The following NEIL1 variants were observed in gnomAD, a reference collection of about 807,000 sequenced individuals.
NEIL1 encodes the protein nei like DNA glycosylase 1.
A neutral mutation model predicts 44.2 loss-of-function variants in NEIL1; 31 were observed. The ratio of observed to expected loss-of-function variants is 0.70; its 90% CI spans 0.53 to 0.95. NEIL1 has a LOEUF of 0.95. Ranked by LOEUF, NEIL1 falls within the 40% of genes least tolerant of loss-of-function variation. The pLI is 0.00. For missense variants in NEIL1, 549 were observed against 515.5 expected (o/e 1.07, Z -0.63); for synonymous variants, 254 against 209.7 (o/e 1.21, Z -1.83).
chr15:75,351,374 C>T, intron 2 of NEIL1: 1 of 405,778 alleles, frequency 2.5e-6, no homozygotes, highest in Middle Eastern at 3.7e-4. Context: ...CTCCAGGGCT[C>T]AGGTGATTCT....
chr15:75,351,907 C>T (rs987619019), intron 2 of NEIL1: 3 of 534,116 alleles, frequency 5.6e-6, no homozygotes, highest in Non-Finnish European at 1.0e-5. Flanking sequence ...CAGGCATGAG[C>T]CACTGCACCT....
In NEIL1 at chr15:75,356,271, AC is replaced by A. The variant is rs769896284; in HGVS notation, c.*1241del. On this transcript the variant is annotated 3_prime_UTR_variant, in exon 10 of 10. Coordinates refer to ENST00000355059, the MANE Select transcript of NEIL1 (RefSeq NM_024608.4). The surrounding 1 kb of genome is among the most constrained non-coding windows in gnomAD (Gnocchi z 5.8). ...GGGCCGAGGGCAGGCCCAGTTCGGA[AC>A]CCCGTCCCCAGCACGTCCCACCCCT... 4 of 1,611,626 alleles carry A rather than the reference AC, an allele frequency of 2.5e-6. No individual in the cohort carries two copies. The highest frequency in any genetic ancestry group is 3.4e-6 in the Non-Finnish European group (4 of 1,179,174).
intron 1 of NEIL1, 96 bp from the exon 2 acceptor site, chr15:75,348,788 A>T: frequency 6.6e-7 from 1 of 1,507,268 alleles, no homozygotes; most frequent in Non-Finnish European, 8.8e-7. Flanking sequence ...CCACATGCCC[A>T]TCTGACCCTC....
In NEIL1 at chr15:75,349,352, C is replaced by A; in HGVS notation, c.434+13C>A. 1 of 1,590,002 alleles carries A rather than the reference C, an allele frequency of 6.3e-7. No individual in the cohort carries two copies. Among genetic ancestry groups the A allele is most frequent in the Non-Finnish European group, 8.6e-7 (1 of 1,166,934 alleles). On this transcript the variant is annotated intron_variant, in intron 2 of 9. Coordinates refer to ENST00000355059, the MANE Select transcript of NEIL1 (RefSeq NM_024608.4). Reference sequence around the variant, plus strand: ...ACCAGCAGTTCAGGTAGGGCCAGCACCAGGTGTGATGAACATAGTCGCGGG... The same window carrying A: ...ACCAGCAGTTCAGGTAGGGCCAGCAACAGGTGTGATGAACATAGTCGCGGG...
rs1386849409 is a variant in NEIL1 at position 75,347,908 on chromosome 15, G to C, written c.-23+435G>C. The stretch of plus-strand genomic sequence containing the variant: ...GCCAGGGGCGGCTCCCAGGTGTGGA[G>C]GGGGCAAGGTACGGGCGTCTGCCGT... On this transcript the variant is annotated intron_variant, in intron 1 of 9. Transcript: ENST00000355059. The C allele has an allele frequency of 3.2e-6, 4 of 1,238,866 alleles. No homozygotes were observed. In the African/African-American group the frequency reaches 4.7e-5, roughly 14 times the overall value. 76.7% of individuals were successfully genotyped at this position (1,238,866 alleles called of 1,614,324 possible).
At chr15:75,352,050 CCT>C in intron 2 of NEIL1, 59 bp from the exon 3 acceptor site, 3 of 1,574,902 alleles carry the variant, frequency 1.9e-6, no homozygotes, top group Non-Finnish European at 2.6e-6. Context: ...TCTCTGAGCC[CCT>C]CTCCCCATCC....
In NEIL1 at chr15:75,355,129, CA is replaced by C; in HGVS notation, c.*98del. The stretch of plus-strand genomic sequence containing the variant: ...TGGGAGCAGGCAATATCTGAAGGTG[CA>C]AACAGGCCCTACGGCTGTTCCCTGC... On this transcript the variant is annotated 3_prime_UTR_variant, in exon 10 of 10. Coordinates refer to ENST00000355059, the MANE Select transcript of NEIL1 (RefSeq NM_024608.4). The C allele has an allele frequency of 9.9e-7, 1 of 1,011,574 alleles. No individual in the cohort carries two copies. The highest frequency in any genetic ancestry group is 1.5e-6 in the Non-Finnish European group (1 of 667,212). The allele number at this position is 1,011,574 out of a possible 1,614,324, so 62.7% of individuals were successfully genotyped here.
At chr15:75,348,404 T>G in intron 1 of NEIL1, 1 of 1,000,670 alleles carries the variant, frequency 1.0e-6, no homozygotes, top group South Asian at 4.3e-5. Context: ...GGCCACGCGA[T>G]CCTAAGACCC....
In NEIL1 at chr15:75,354,945, T is replaced by C; in HGVS notation, c.1103-19T>C. Reference sequence around the variant, plus strand: ...GCCCCTGGAGTCTTAGCTGACCATCTTGCCTGTTCTTCCCCCAGGCCACTG... The same window carrying C: ...GCCCCTGGAGTCTTAGCTGACCATCCTGCCTGTTCTTCCCCCAGGCCACTG... On this transcript the variant is annotated intron_variant, in intron 9 of 9. Transcript: ENST00000355059. 1.2e-6 allele frequency: 2 copies of C among 1,613,892 alleles called. No individual in the cohort carries two copies. The highest frequency in any genetic ancestry group is 2.7e-5 in the African/African-American group (2 of 75,038).
At chr15:75,353,432 C>A (rs1412790842) in intron 5 of NEIL1, 6 of 381,938 alleles carry the variant, frequency 1.6e-5, no homozygotes, top group Admixed American at 3.6e-5. Context: ...CCCTATGTTG[C>A]CCAGGCTGGT....
chr15:75,353,189 G>GA (rs2072064975), intron 5 of NEIL1: 3 of 182,362 alleles, frequency 1.6e-5, no homozygotes, highest in African/African-American at 4.8e-5. Context: ...AGCTGCCCAT[G>GA]AGACAGGCAG....
rs967033543 is a variant in NEIL1, at chr15:75,356,156, C to T, written c.*1122C>T. ...AGCGACAAGTGCAGCCAGCAGTCCA[C>T]GTGGCTGCCGTGGGCCTCATACAGC... On this transcript the variant is annotated 3_prime_UTR_variant, in exon 10 of 10. Transcript: ENST00000355059. The surrounding 1 kb of genome is among the most constrained non-coding windows in gnomAD (Gnocchi z 5.8). 3.7e-6 allele frequency: 6 copies of T among 1,613,570 alleles called. No individual in the cohort carries two copies. The highest frequency in any genetic ancestry group is 3.3e-5 in the South Asian group (3 of 91,082).
chr15:75,348,725 T>C (rs1342249652), intron 1 of NEIL1, 159 bp from the exon 2 acceptor site: 1 of 1,435,672 alleles, frequency 7.0e-7, no homozygotes, highest in East Asian at 2.5e-5. Context: ...CCTGTCCGGG[T>C]AGGGGATTGA....
chr15:75,349,759 A>G (rs1284633178), intron 2 of NEIL1: 4 of 197,840 alleles, frequency 2.0e-5, no homozygotes, highest in Admixed American at 1.6e-4. Flanking sequence ...GGTTGCAGTG[A>G]GCTGAGACAG....
At chr15:75,348,122 G>C in intron 1 of NEIL1, 1 of 802,410 alleles carries the variant, frequency 1.2e-6, no homozygotes, top group Non-Finnish European at 1.6e-6. Flanking sequence ...AGCCCTTCCT[G>C]GTGCCCGCCG....
At chr15:75,350,530 G>A (rs2071807227) in intron 2 of NEIL1, among the ~76,000 whole-genome samples, 1 of 152,186 alleles carries the variant, frequency 6.6e-6, no homozygotes, top group Non-Finnish European at 1.5e-5. Flanking sequence ...AAATGCAGAG[G>A]CCTGGAGTAG....
intron 1 of NEIL1, chr15:75,348,517 G>A: frequency 1.8e-6 from 2 of 1,117,786 alleles, no homozygotes; most frequent in Non-Finnish European, 2.2e-6. Flanking sequence ...TGGGACAGAG[G>A]GACAGCAGGG....
In NEIL1 at chr15:75,352,370, C is replaced by G. The variant is rs1243947462; in HGVS notation, c.601C>G (p.Leu201Val). 2 of 1,613,978 alleles carry G rather than the reference C, an allele frequency of 1.2e-6. No homozygotes were observed. The highest frequency in any genetic ancestry group is 2.2e-5 in the East Asian group (1 of 44,878). ...GAAGGCCCGCTCGGTCCTGGAGGCC[C>G]TGCAGCAGCACAGGCCGGTAAGCCC... ...FEKARSVLEA[L>V]QQHRPSPELT... is the part of the protein sequence containing the mutation. The change falls in exon 4 of 10, where the codon CTG becomes GTG. Residue 201 changes from leucine (L) to valine (V), a missense_variant. Leu to Val is a conservative substitution (Grantham distance 32). Transcript: ENST00000355059.
At chr15:75,348,554 T>G in intron 1 of NEIL1, 1 of 1,178,082 alleles carries the variant, frequency 8.5e-7, no homozygotes, top group Non-Finnish European at 1.1e-6. Flanking sequence ...GATCCGTGAG[T>G]GAGGGGAGCC....
Sources: gnomAD v4.1 joint callset for allele counts (sites outside exome capture counted in the v4.1 genomes callset) on GRCh38, gnomAD v4.1.1 for gene constraint, Gnocchi (gnomAD v3.1) non-coding constraint, MANE v1.5 for transcripts, NCBI Gene and HGNC (gene_info 2026-07-23, HGNC 2026-07-21) for gene names.